The following ADGRB1 variants were observed in gnomAD, a reference collection of about 807,000 sequenced individuals.
The protein encoded by ADGRB1 is adhesion G protein-coupled receptor B1.
Under a neutral mutation model 175.7 loss-of-function variants are expected in ADGRB1, and 36 were observed. The ratio of observed to expected loss-of-function variants is 0.20; its 90% CI spans 0.16 to 0.27. ADGRB1 has a LOEUF of 0.27. Among genes scored for constraint, ADGRB1 ranks in the 10% least tolerant of loss-of-function variants. ADGRB1 has a pLI of 1.00. For missense variants in ADGRB1, 1,731 were observed against 2,255.3 expected (o/e 0.77, Z 4.71); for synonymous variants, 1,054 against 979.4 (o/e 1.08, Z -1.42).
intron 2 of ADGRB1, among the ~76,000 whole-genome samples, chr8:142,467,150 CT>C (rs1840325080): frequency 6.6e-6 from 1 of 152,224 alleles, no homozygotes; most frequent in Non-Finnish European, 1.5e-5. Context: ...CACTGGGCAC[CT>C]ACTGAGTGCA....
Position 142,481,574 on chromosome 8 carries a change from G to A in ADGRB1, c.1993G>A (p.Val665Ile). 6.2e-7 allele frequency: 1 copy of A among 1,601,098 alleles called. No homozygotes were observed. The highest frequency in any genetic ancestry group is 8.5e-7 in the Non-Finnish European group (1 of 1,174,100). The change falls in exon 11 of 31, where the codon GTC becomes ATC. Residue 665 changes from valine (V) to isoleucine (I), a missense_variant. Coordinates refer to ENST00000517894, the MANE Select transcript of ADGRB1 (RefSeq NM_001702.3). The part of the protein sequence containing the change: ...RGLPGEGVSE[V>I]IQTLVEISQD... ...GCTGCCTGGGGAGGGGGTCTCGGAGGTCATCCAGACACTGGTGGAGATCTC... is the reference window on the plus strand; with the variant it reads ...GCTGCCTGGGGAGGGGGTCTCGGAGATCATCCAGACACTGGTGGAGATCTC...
In ADGRB1 at chr8:142,539,411, C is replaced by T; in HGVS notation, c.3704C>T (p.Ser1235Leu). 6.2e-7 allele frequency: 1 copy of T among 1,600,872 alleles called. No homozygotes were observed. The highest frequency in any genetic ancestry group is 1.7e-5 in the Admixed American group (1 of 58,282). Reference sequence around the variant, plus strand: ...AAGGACGTGGATCTGGCCTGTAGATCAGGTGAGCGCCCGACAGGTGAGAGG... The same window carrying T: ...AAGGACGTGGATCTGGCCTGTAGATTAGGTGAGCGCCCGACAGGTGAGAGG... The part of the protein sequence containing the change: ...FEKDVDLACR[S>L]VLNKDIAACR... Residue 1235 changes from serine to leucine, a missense_variant and splice_region_variant, in exon 27 of 31, where the codon TCA (serine) becomes TTA (leucine). By Grantham distance (145) the Ser-to-Leu change is moderately radical. Around this residue, in one of 8 missense-constraint regions of ADGRB1, gnomAD observed 301 missense variants for 488.4 expected, o/e 0.62. Transcript: ENST00000517894.
intron 26 of ADGRB1, among the ~76,000 whole-genome samples, chr8:142,538,316 T>C (rs991881214): frequency 1.3e-5 from 2 of 152,206 alleles, no homozygotes; most frequent in African/African-American, 4.8e-5. Context: ...GCAGATGGCA[T>C]GTCCAGCCCC....
At chr8:142,454,442 C>T (rs953117488) in intron 1 of ADGRB1, among the ~76,000 whole-genome samples, 4 of 152,166 alleles carry the variant, frequency 2.6e-5, no homozygotes, top group South Asian at 2.1e-4. Context: ...GAGGTGCACA[C>T]GGGTGCACAC....
At chr8:142,485,375 G>A (rs1841616650) in intron 13 of ADGRB1, among the ~76,000 whole-genome samples, 1 of 152,174 alleles carries the variant, frequency 6.6e-6, no homozygotes, top group South Asian at 2.1e-4. Context: ...AACTTTCCCT[G>A]CCTTGATCAG....
At chr8:142,454,264 C>T (rs145471437) in intron 1 of ADGRB1, among the ~76,000 whole-genome samples, 61 of 152,302 alleles carry the variant, frequency 4.0e-4, no homozygotes, top group African/African-American at 1.2e-3. Flanking sequence ...CCAGCCCCGA[C>T]GCCACCCAAA....
chr8:142,476,981 G>C, intron 4 of ADGRB1, 133 bp from the exon 5 acceptor site: 1 of 1,292,846 alleles, frequency 7.7e-7, no homozygotes, highest in Non-Finnish European at 1.0e-6. Context: ...AGCCTGGTTC[G>C]AAGGCCCGGG....
chr8:142,470,123 G>A (rs1587274369), intron 2 of ADGRB1, among the ~76,000 whole-genome samples: 1 of 152,244 alleles, frequency 6.6e-6, no homozygotes, highest in Non-Finnish European at 1.5e-5. Context: ...ACACTCCTCA[G>A]GCCAAGCAAC....
intron 9 of ADGRB1, 104 bp downstream of exon 9, chr8:142,479,898 G>A (rs1466666359): frequency 2.4e-6 from 3 of 1,268,362 alleles, no homozygotes; most frequent in Non-Finnish European, 3.3e-6. Context: ...CAGACACGGA[G>A]CCCAGACAGC....
intron 3 of ADGRB1, among the ~76,000 whole-genome samples, chr8:142,476,282 G>A (rs1351375671): frequency 6.6e-6 from 1 of 152,240 alleles, no homozygotes; most frequent in Non-Finnish European, 1.5e-5. Context: ...GGCTGCGGAA[G>A]GGAGGCAGGG....
Position 142,479,458 on chromosome 8 carries a change from A to C in ADGRB1, c.1697A>C (p.Tyr566Ser). Reference protein sequence around the residue: ...GAACQGPQDEYRQCGTQRCPE... With the variant: ...GAACQGPQDESRQCGTQRCPE... ...GCCTGCCAGGGCCCCCAGGATGAGT[A>C]CCGGCAGTGCGGCACCCAGCGGTGT... Residue 566 changes from tyrosine to serine, a missense_variant, in exon 8 of 31, where the codon TAC (tyrosine) becomes TCC (serine). Transcript: ENST00000517894. 2 of 1,556,910 alleles carry C rather than the reference A, an allele frequency of 1.3e-6. No individual in the cohort carries two copies. The highest frequency in any genetic ancestry group is 1.7e-6 in the Non-Finnish European group (2 of 1,157,458).
Position 142,511,165 on chromosome 8 carries a change from C to T in ADGRB1, c.2817+92C>T, listed in dbSNP as rs1489588311. ...CCTGCGGGTGGGGAGGGCCCGCACC[C>T]GTCCTGTCCCGGAGGGGTCGCTGTG... is the stretch of plus-strand genomic sequence containing the variant. On this transcript the variant is annotated intron_variant, in intron 18 of 30. Coordinates refer to ENST00000517894, the MANE Select transcript of ADGRB1 (RefSeq NM_001702.3). The surrounding 1 kb of genome is among the most constrained non-coding windows in gnomAD (Gnocchi z 4.5). 3.0e-5 allele frequency: 29 copies of T among 962,878 alleles called. No individual in the cohort carries two copies. The highest frequency in any genetic ancestry group is 3.6e-5 in the Non-Finnish European group (29 of 801,238). 59.6% of individuals were successfully genotyped at this position (962,878 alleles called of 1,614,324 possible). A position where few individuals can be genotyped will look rare whatever the true frequency, so the allele number is the denominator to read the frequency against.
At position 142,542,634 on chromosome 8, in the gene ADGRB1, T is replaced by C; in HGVS notation, c.4400T>C (p.Val1467Ala). Residue 1467 changes from valine (V) to alanine (A), a missense_variant, in exon 28 of 31, where the codon GTG becomes GCG. Around this residue, in one of 8 missense-constraint regions of ADGRB1, gnomAD observed 394 missense variants for 410.2 expected, o/e 0.96. Transcript: ENST00000517894. This position sits in a 1 kb window ranked among gnomAD's most constrained non-coding sequence, Gnocchi z 6.3. ...AACGAGAATGTCGCCACCTTGTCTGTGAGCTCCCTGGAGGTGAGGGGGGCA... is the reference window on the plus strand; with the variant it reads ...AACGAGAATGTCGCCACCTTGTCTGCGAGCTCCCTGGAGGTGAGGGGGGCA... The part of the protein sequence containing the change: ...TKNENVATLS[V>A]SSLERRKSRY... 1 of 1,549,026 alleles carries C rather than the reference T, an allele frequency of 6.5e-7. No individual in the cohort carries two copies. The highest frequency in any genetic ancestry group is 8.7e-7 in the Non-Finnish European group (1 of 1,147,708).
chr8:142,502,426 G>GTGGTGA (rs1398114887), intron 17 of ADGRB1, among the ~76,000 whole-genome samples: 178 of 1,252 alleles, frequency 0.14, 5 homozygotes, highest in Admixed American at 0.2. Context: ...GGTGATGGTG[G>GTGGTGA]TGGTGGTGGT....
At chr8:142,454,682 G>T (rs971885530) in intron 1 of ADGRB1, among the ~76,000 whole-genome samples, 6 of 152,102 alleles carry the variant, frequency 3.9e-5, no homozygotes, top group Non-Finnish European at 8.8e-5. Context: ...CCTCATCTGT[G>T]CTCCACTCCT....
At chr8:142,541,386 C>T (rs904306312) in intron 27 of ADGRB1, among the ~76,000 whole-genome samples, 4 of 152,112 alleles carry the variant, frequency 2.6e-5, no homozygotes, top group African/African-American at 7.2e-5. Context: ...AGGGACCAGG[C>T]GGCCCTCAGG....
chr8:142,453,707 C>T (rs1260381113), intron 1 of ADGRB1, among the ~76,000 whole-genome samples: 1 of 152,164 alleles, frequency 6.6e-6, no homozygotes, highest in Non-Finnish European at 1.5e-5. Flanking sequence ...TGGTCCTGTG[C>T]AATCCCCCAC....
At chr8:142,523,865 G>A (rs1466055035) in intron 22 of ADGRB1, among the ~76,000 whole-genome samples, 5 of 152,118 alleles carry the variant, frequency 3.3e-5, no homozygotes, top group Non-Finnish European at 5.9e-5. Context: ...TTCAAGCATC[G>A]CGTCAGGAAG....
intron 1 of ADGRB1, among the ~76,000 whole-genome samples, chr8:142,458,302 T>C (rs1468610166): frequency 6.6e-6 from 1 of 152,106 alleles, no homozygotes; most frequent in East Asian, 1.9e-4. Flanking sequence ...CAGGGTGTGA[T>C]TGGAACCCAG....
Sources: allele counts gnomAD v4.1 joint callset (sites outside exome capture counted in the v4.1 genomes callset), GRCh38; gene constraint gnomAD v4.1.1; regional missense constraint gnomAD v4.1.1; non-coding constraint Gnocchi (gnomAD v3.1); transcripts MANE v1.5; gene names NCBI Gene and HGNC (gene_info 2026-07-23, HGNC 2026-07-21).